The following CLTCL1 variants were observed in gnomAD, a reference collection of about 807,000 sequenced individuals.
CLTCL1 encodes the protein clathrin heavy chain 2.
Under a neutral mutation model 190.0 loss-of-function variants are expected in CLTCL1, and 159 were observed. The ratio of observed to expected loss-of-function variants is 0.84; its 90% CI spans 0.74 to 0.95. The LOEUF (loss-of-function observed/expected upper bound fraction) is 0.95, where lower values mean the gene tolerates loss of function less well. Ranked by LOEUF, CLTCL1 falls within the 40% of genes least tolerant of loss-of-function variation. The pLI, the probability that CLTCL1 is intolerant of heterozygous loss-of-function variation, is 0.00. For synonymous variants in CLTCL1, 752 were observed against 769.6 expected, an observed-to-expected ratio of 0.98 and a Z score of 0.38; for missense variants, 1,878 against 2,033.4, an observed-to-expected ratio of 0.92 and a Z score of 1.47.
intron 30 of CLTCL1, chr22:19,182,681 G>A (rs1256357320): frequency 3.3e-5 from 5 of 152,348 alleles, no homozygotes; most frequent in South Asian, 2.1e-4. Flanking sequence ...CAGCATGAGT[G>A]CCTTCCGAGG....
At chr22:19,200,763 A>G (rs1555938806) in intron 23 of CLTCL1, among the ~76,000 whole-genome samples, 1 of 152,042 alleles carries the variant, frequency 6.6e-6, no homozygotes, top group East Asian at 1.9e-4. Flanking sequence ...AATGGTGTGA[A>G]CCCGGGAGGC....
In CLTCL1 at chr22:19,239,262, A is replaced by G; in HGVS notation, c.795+13T>C. On this transcript the variant is annotated intron_variant, in intron 5 of 32. Coordinates refer to ENST00000427926, the MANE Select transcript of CLTCL1 (RefSeq NM_007098.4). ...TAGGACATGAAGATGTTTAGAGAGC[A>G]GCACATTCGTACCTGCATAGCCACT... The G allele has an allele frequency of 6.3e-7, 1 of 1,581,606 alleles. No individual in the cohort carries two copies. The highest frequency in any genetic ancestry group is 1.1e-5 in the South Asian group (1 of 90,370).
At chr22:19,267,512 T>G (rs568194066) in intron 2 of CLTCL1, among the ~76,000 whole-genome samples, 12 of 152,344 alleles carry the variant, frequency 7.9e-5, no homozygotes, top group African/African-American at 2.9e-4. Context: ...CAAAAACTAT[T>G]TTGAAAAACA....
At chr22:19,245,472 G>A (rs1442976479) in intron 3 of CLTCL1, among the ~76,000 whole-genome samples, 3 of 152,072 alleles carry the variant, frequency 2.0e-5, no homozygotes, top group Admixed American at 2.0e-4. Flanking sequence ...GATTACAGGC[G>A]TAAGCCACCA....
intron 6 of CLTCL1, 119 bp from the exon 7 acceptor site, chr22:19,234,825 C>T (rs376747219): frequency 2.2e-6 from 2 of 897,336 alleles, no homozygotes; most frequent in Middle Eastern, 2.8e-4. Context: ...GTTGAGCACA[C>T]CTGTGATGGT....
Position 19,230,097 on chromosome 22 carries a change from G to GTTTT in CLTCL1, c.1645-123_1645-122insAAAA, listed in dbSNP as rs374875733. 349 of 565,206 alleles carry GTTTT rather than the reference G, an allele frequency of 6.2e-4. 19 individuals carry two copies. Among genetic ancestry groups the GTTTT allele is most frequent in the Non-Finnish European group, 7.4e-4 (284 of 386,156 alleles). The allele number at this position is 565,206 out of a possible 1,614,324, so 35.0% of individuals were successfully genotyped here. Reference sequence around the variant, plus strand: ...AATTCAGCAATTAGTTCCCTCCCTTGGTTTTTTTTTTTTTTTTGAGATGGA... The same window carrying GTTTT: ...AATTCAGCAATTAGTTCCCTCCCTTGTTTTGTTTTTTTTTTTTTTTTGAGATGGA... On this transcript the variant is annotated intron_variant, in intron 10 of 32. Coordinates refer to ENST00000427926, the MANE Select transcript of CLTCL1 (RefSeq NM_007098.4).
intron 1 of CLTCL1, among the ~76,000 whole-genome samples, chr22:19,283,161 A>G (rs1166546028): frequency 6.7e-6 from 1 of 148,348 alleles, no homozygotes; most frequent in Non-Finnish European, 1.5e-5. Flanking sequence ...CGTGAGCCAC[A>G]GGGCCTGGCC....
chr22:19,257,509 C>A, intron 2 of CLTCL1: 1 of 294,568 alleles, frequency 3.4e-6, no homozygotes. Context: ...TCACTTTCCT[C>A]CCCAGACAGC....
chr22:19,291,520 G>T, intron 1 of CLTCL1, 80 bp downstream of exon 1: 1 of 1,227,666 alleles, frequency 8.1e-7, no homozygotes, highest in Non-Finnish European at 1.0e-6. Context: ...AGCGGGGCTG[G>T]GGGCGCGGGG....
chr22:19,247,626 T>C (rs2086460141), intron 3 of CLTCL1, among the ~76,000 whole-genome samples: 1 of 151,950 alleles, frequency 6.6e-6, no homozygotes, highest in Admixed American at 6.6e-5. Context: ...AATGGTGTGA[T>C]CTCGGCTCAC....
At chr22:19,200,017 T>G (rs1555938248) in intron 23 of CLTCL1, among the ~76,000 whole-genome samples, 176 bp from the exon 24 acceptor site, 1 of 152,176 alleles carries the variant, frequency 6.6e-6, no homozygotes, top group African/African-American at 2.4e-5. Flanking sequence ...AGAAAAAATA[T>G]GACATTTGTA....
chr22:19,219,985 A>T lies in CLTCL1; in HGVS notation c.2819T>A (p.Phe940Tyr), dbSNP rs782640439. The change falls in exon 18 of 33, where the codon TTC becomes TAC. Residue 940 changes from phenylalanine (F) to tyrosine (Y), a missense_variant. By Grantham distance (22) the Phe-to-Tyr change is conservative (BLOSUM62 3). Transcript: ENST00000427926. ...TACCAGGTAGCGGGCCTCGCTTTTG[A>T]ACAGAGAATTCTCATTGCACACCTG... ...LIKVCNENSLFKSEARYLVCR... is the reference protein window; with the variant it reads ...LIKVCNENSLYKSEARYLVCR... 3 of 1,613,878 alleles carry T rather than the reference A, an allele frequency of 1.9e-6. No homozygotes were observed. In the African/African-American group the frequency reaches 4.0e-5, roughly 22 times the overall value.
chr22:19,275,829 A>G lies in CLTCL1; in HGVS notation c.44T>C (p.Leu15Pro), dbSNP rs535571908. 4.4e-6 allele frequency: 7 copies of G among 1,586,614 alleles called. No homozygotes were observed. Among genetic ancestry groups the G allele is most frequent in the Non-Finnish European group, 6.0e-6 (7 of 1,165,934 alleles). The stretch of plus-strand genomic sequence containing the variant: ...AGCTGGATTAATTCCAAGGTTTTGG[A>G]GCTAAACAGAAAAAAAGCATTTGAT... The part of the protein sequence containing the change: ...LPVRFQEHFQ[L>P]QNLGINPANI... Residue 15 changes from leucine (L) to proline (P), a missense_variant and splice_region_variant, in exon 2 of 33, where the codon CTC (leucine) becomes CCC (proline). Leu to Pro is a moderately conservative substitution (Grantham distance 98). Transcript: ENST00000427926.
At chr22:19,236,204 T>C (rs550232230) in intron 5 of CLTCL1, among the ~76,000 whole-genome samples, 1 of 152,324 alleles carries the variant, frequency 6.6e-6, no homozygotes, top group South Asian at 2.1e-4. Flanking sequence ...TTCTAAGTTG[T>C]ACTTGATTGA....
At chr22:19,217,476 C>T (rs1048687579) in intron 18 of CLTCL1, among the ~76,000 whole-genome samples, 2 of 151,740 alleles carry the variant, frequency 1.3e-5, no homozygotes, top group African/African-American at 2.4e-5. Flanking sequence ...AGTAGCCGGG[C>T]GTGGTGGCGG....
intron 4 of CLTCL1, among the ~76,000 whole-genome samples, chr22:19,241,941 C>CAT (rs1363484401): frequency 2.2e-5 from 3 of 139,084 alleles, no homozygotes; most frequent in Non-Finnish European, 3.1e-5. Context: ...CCTCATCTAC[C>CAT]TTTTTTTTTT....
At chr22:19,223,168 C>G (rs1765125487) in intron 14 of CLTCL1, among the ~76,000 whole-genome samples, 1 of 152,190 alleles carries the variant, frequency 6.6e-6, no homozygotes, top group African/African-American at 2.4e-5. Context: ...CACGCAGCCG[C>G]AGGCCATGGA....
At chr22:19,192,301 G>A (rs76068289) in intron 26 of CLTCL1, among the ~76,000 whole-genome samples, 16 of 152,164 alleles carry the variant, frequency 1.1e-4, no homozygotes, top group East Asian at 3.9e-4. Context: ...TCCTGACCTC[G>A]TGATCTCCCC....
rs918488869 is a variant in CLTCL1 at position 19,227,798 on chromosome 22, G to A, written c.1783-1415C>T. ...TTTTTTGTAGAGATGGGGTTTGGCC[G>A]TGTTGTCCATGCTGGTCTCAAACTC... On this transcript the variant is annotated intron_variant, in intron 11 of 32. Coordinates refer to ENST00000427926, the MANE Select transcript of CLTCL1 (RefSeq NM_007098.4). 7.2e-5 allele frequency among the ~76,000 whole-genome samples: 11 copies of A among 152,086 alleles called. No homozygotes were observed. The South Asian group carries it at 1.0e-3, about 14-fold the overall frequency.
Sources: allele counts gnomAD v4.1 joint callset (sites outside exome capture counted in the v4.1 genomes callset), GRCh38; gene constraint gnomAD v4.1.1; transcripts MANE v1.5; gene names NCBI Gene and HGNC (gene_info 2026-07-23, HGNC 2026-07-21).